Variants in PCDH9 observed in about 807,000 individuals in gnomAD.
PCDH9 encodes protocadherin 9, also known as protocadherin-9.
Under a neutral mutation model 70.6 loss-of-function variants are expected in PCDH9, and 24 were observed. That is an observed-to-expected ratio of 0.34 (90% CI 0.25 to 0.48). PCDH9 has a LOEUF of 0.48. PCDH9 is among the 20% of genes least tolerant of loss of function. The pLI is 0.99. For synonymous variants in PCDH9, 562 were observed against 558.5 expected (o/e 1.01, Z -0.09); for missense variants, 1,281 against 1,503.6 (o/e 0.85, Z 2.45).
intron 4 of PCDH9, among the ~76,000 whole-genome samples, chr13:66,551,096 T>C (rs891289813): frequency 6.6e-6 from 1 of 152,192 alleles, no homozygotes; most frequent in Non-Finnish European, 1.5e-5. Context: ...TCTCATTTTC[T>C]AAGGGAACCA....
chr13:66,809,111 C>A (rs1271228223), intron 3 of PCDH9, among the ~76,000 whole-genome samples: 1 of 152,212 alleles, frequency 6.6e-6, no homozygotes, highest in Non-Finnish European at 1.5e-5. Flanking sequence ...CCACGCTCGA[C>A]TAATTTTTTG....
chr13:66,766,627 G>T (rs533569776), intron 3 of PCDH9, among the ~76,000 whole-genome samples: 4 of 151,996 alleles, frequency 2.6e-5, no homozygotes, highest in African/African-American at 7.2e-5. Flanking sequence ...GGAAAAAAAT[G>T]TAGAGTTGGG....
chr13:66,382,860 G>A (rs1046278969), intron 4 of PCDH9, among the ~76,000 whole-genome samples: 2 of 152,064 alleles, frequency 1.3e-5, no homozygotes, highest in African/African-American at 4.8e-5. Context: ...GTGAAACTCT[G>A]TCACTACTAA....
intron 4 of PCDH9, among the ~76,000 whole-genome samples, chr13:66,550,942 T>C (rs1209640670): frequency 2.6e-5 from 4 of 152,202 alleles, no homozygotes; most frequent in Non-Finnish European, 4.4e-5. Context: ...CTACAACTTG[T>C]TTGATTAGCC....
intron 3 of PCDH9, among the ~76,000 whole-genome samples, chr13:66,832,409 T>A (rs1405136534): frequency 6.6e-6 from 1 of 152,124 alleles, no homozygotes; most frequent in Non-Finnish European, 1.5e-5. Flanking sequence ...CATTTTATCT[T>A]GAATAATGAT....
At chr13:66,496,712 C>T (rs144349780) in intron 4 of PCDH9, among the ~76,000 whole-genome samples, 1 of 152,128 alleles carries the variant, frequency 6.6e-6, no homozygotes, top group African/African-American at 2.4e-5. Flanking sequence ...CAATCACATA[C>T]TTGTACCAAC....
chr13:66,677,535 C>T (rs1027380436), intron 3 of PCDH9, among the ~76,000 whole-genome samples: 2 of 152,164 alleles, frequency 1.3e-5, no homozygotes, highest in African/African-American at 4.8e-5. Flanking sequence ...GAAAGGATCC[C>T]TCATGGCTTG....
At chr13:66,986,850 T>C (rs1382096748) in intron 2 of PCDH9, among the ~76,000 whole-genome samples, 1 of 151,892 alleles carries the variant, frequency 6.6e-6, no homozygotes, top group Non-Finnish European at 1.5e-5. Flanking sequence ...AACATACAAC[T>C]GAATAAAATG....
At chr13:67,188,310 T>C (rs2088814143) in intron 2 of PCDH9, among the ~76,000 whole-genome samples, 1 of 152,194 alleles carries the variant, frequency 6.6e-6, no homozygotes, top group Admixed American at 6.6e-5. Context: ...TGTCAATTTC[T>C]ATCATCTAAA....
In PCDH9 at chr13:67,198,819, T is replaced by G. The variant is rs950108378; in HGVS notation, c.3036+26586A>C. On this transcript the variant is annotated intron_variant, in intron 2 of 4. Coordinates refer to ENST00000377865, the MANE Select transcript of PCDH9 (RefSeq NM_203487.3). ...AAAAACTAAATGTTGGTAGTTGTGC[T>G]TTAAGAAATATTTAAATAGCAAAAG... is the stretch of plus-strand genomic sequence containing the variant. 4.0e-5 allele frequency among the ~76,000 whole-genome samples: 6 copies of G among 151,884 alleles called. 1 individual carries two copies. The highest frequency in any genetic ancestry group is 3.9e-4 in the Admixed American group (6 of 15,222).
At chr13:66,505,841 A>T (rs1959206774) in intron 4 of PCDH9, among the ~76,000 whole-genome samples, 1 of 152,004 alleles carries the variant, frequency 6.6e-6, no homozygotes, top group Admixed American at 6.6e-5. Context: ...ATCACAAGGT[A>T]TTGCTATGCT....
intron 4 of PCDH9, among the ~76,000 whole-genome samples, chr13:66,537,745 T>A (rs1380561170): frequency 6.6e-6 from 1 of 152,098 alleles, no homozygotes; most frequent in African/African-American, 2.4e-5. Context: ...AAATAAATAT[T>A]TAATTCAGGA....
At chr13:66,516,044 A>G (rs1480527432) in intron 4 of PCDH9, among the ~76,000 whole-genome samples, 1 of 152,034 alleles carries the variant, frequency 6.6e-6, no homozygotes, top group Non-Finnish European at 1.5e-5. Flanking sequence ...GTTTTTTCTT[A>G]ACACCATTTG....
At chr13:67,011,269 C>T (rs1433297667) in intron 2 of PCDH9, among the ~76,000 whole-genome samples, 4 of 151,844 alleles carry the variant, frequency 2.6e-5, no homozygotes. Flanking sequence ...AAATATGTGT[C>T]TATATCCTGC....
chr13:66,343,809 G>T (rs146852212), intron 4 of PCDH9, among the ~76,000 whole-genome samples: 3 of 152,204 alleles, frequency 2.0e-5, no homozygotes, highest in East Asian at 1.9e-4. Context: ...CTGTGGGAAC[G>T]GGGGGCATTG....
chr13:66,911,210 A>G (rs976172294), intron 2 of PCDH9, among the ~76,000 whole-genome samples: 3 of 152,200 alleles, frequency 2.0e-5, no homozygotes, highest in South Asian at 4.1e-4. Context: ...GTGCAGTAAC[A>G]GAACTGACCA....
chr13:66,347,467 G>GA (rs1312840049), intron 4 of PCDH9, among the ~76,000 whole-genome samples: 3 of 151,044 alleles, frequency 2.0e-5, no homozygotes, highest in African/African-American at 4.9e-5. Context: ...CTATCACTCG[G>GA]AAAAAAAACA....
chr13:66,807,691 T>C (rs1186329793), intron 3 of PCDH9, among the ~76,000 whole-genome samples: 2 of 152,202 alleles, frequency 1.3e-5, no homozygotes, highest in African/African-American at 4.8e-5. Flanking sequence ...TTCAAATGTA[T>C]AAAATATTAG....
At chr13:66,622,998 T>C (rs1379321411) in intron 4 of PCDH9, among the ~76,000 whole-genome samples, 1 of 151,684 alleles carries the variant, frequency 6.6e-6, no homozygotes, top group Non-Finnish European at 1.5e-5. Context: ...GCTGTAACAC[T>C]CACGGTGAAG....
Sources: gnomAD v4.1 joint callset for allele counts (sites outside exome capture counted in the v4.1 genomes callset) on GRCh38, gnomAD v4.1.1 for gene constraint, MANE v1.5 for transcripts, NCBI Gene and HGNC (gene_info 2026-07-23, HGNC 2026-07-21) for gene names.